The following NRXN3 variants were observed in gnomAD, a reference collection of about 807,000 sequenced individuals.
NRXN3 encodes neurexin 3, also known as neurexin III.
Under a neutral mutation model 137.6 loss-of-function variants are expected in NRXN3, and 32 were observed. The observed-to-expected ratio is 0.23, with a 90% CI of 0.18 to 0.31. NRXN3 has a LOEUF of 0.31. NRXN3 is among the 10% of genes least tolerant of loss of function. The probability of loss-of-function intolerance (pLI) is 1.00; values close to 1 mark genes in which losing one functional copy is unlikely to be tolerated. For synonymous variants in NRXN3, 798 were observed against 784.5 expected, an observed-to-expected ratio of 1.02 and a Z score of -0.29; for missense variants, 1,574 against 2,062.5, an observed-to-expected ratio of 0.76 and a Z score of 4.59.
intron 15 of NRXN3, among the ~76,000 whole-genome samples, chr14:79,127,856 C>T (rs2056792313): frequency 1.3e-5 from 2 of 151,838 alleles, no homozygotes; most frequent in Non-Finnish European, 2.9e-5. Flanking sequence ...TTTCCTTGAG[C>T]AGTGGTTTGT....
At chr14:79,723,499 A>G (rs2098856768) in intron 19 of NRXN3, among the ~76,000 whole-genome samples, 1 of 152,116 alleles carries the variant, frequency 6.6e-6, no homozygotes, top group African/African-American at 2.4e-5. Flanking sequence ...AAGATTCATG[A>G]AATTCGAGTC....
chr14:79,830,084 A>C (rs2141228389), intron 20 of NRXN3, among the ~76,000 whole-genome samples: 1 of 152,328 alleles, frequency 6.6e-6, no homozygotes, highest in East Asian at 1.9e-4. Context: ...GGAAGGTTGG[A>C]GAAGGCCATT....
intron 1 of NRXN3, among the ~76,000 whole-genome samples, chr14:78,228,129 T>G (rs2064916746): frequency 6.6e-6 from 1 of 151,626 alleles, no homozygotes; most frequent in South Asian, 2.1e-4. Flanking sequence ...CTACACAACA[T>G]TATGGGAGAA....
chr14:78,685,089 C>T (rs571306854), intron 6 of NRXN3, among the ~76,000 whole-genome samples: 15 of 152,106 alleles, frequency 9.9e-5, no homozygotes, highest in Non-Finnish European at 2.1e-4. Context: ...TTTAACAAGG[C>T]CTTTCCTCAG....
intron 4 of NRXN3, among the ~76,000 whole-genome samples, chr14:78,479,496 T>C (rs978129707): frequency 8.5e-5 from 13 of 152,192 alleles, no homozygotes; most frequent in Admixed American, 1.3e-4. Flanking sequence ...ATTTAAACTA[T>C]TGAGGTCAAG....
intron 15 of NRXN3, among the ~76,000 whole-genome samples, chr14:79,363,978 A>C (rs2093781810): frequency 6.6e-6 from 1 of 152,180 alleles, no homozygotes; most frequent in African/African-American, 2.4e-5. Flanking sequence ...CATAGAGAAT[A>C]ATGGGTGCTT....
chr14:79,727,108 G>T (rs2098895001), intron 19 of NRXN3, among the ~76,000 whole-genome samples: 1 of 152,156 alleles, frequency 6.6e-6, no homozygotes, highest in East Asian at 1.9e-4. Context: ...TAGCACTAAG[G>T]TTAAGCAAAA....
chr14:79,807,752 A>G (rs2099214048), intron 20 of NRXN3, among the ~76,000 whole-genome samples: 1 of 152,182 alleles, frequency 6.6e-6, no homozygotes, highest in Admixed American at 6.5e-5. Flanking sequence ...GGAGGCTGAT[A>G]TTGATTTCCT....
At chr14:79,169,379 T>G (rs1479708198) in intron 15 of NRXN3, among the ~76,000 whole-genome samples, 1 of 152,128 alleles carries the variant, frequency 6.6e-6, no homozygotes, top group Non-Finnish European at 1.5e-5. Flanking sequence ...ATTAGTCCTT[T>G]TGTAAACTTA....
chr14:79,639,947 GGT>G (rs2098424536), intron 16 of NRXN3, among the ~76,000 whole-genome samples: 1 of 135,876 alleles, frequency 7.4e-6, no homozygotes, highest in Admixed American at 7.7e-5. Flanking sequence ...CCCAAGAAGT[GGT>G]TTCAGTATAT....
chr14:79,675,603 TAG>T (rs1168230519), intron 17 of NRXN3, among the ~76,000 whole-genome samples: 3 of 152,064 alleles, frequency 2.0e-5, no homozygotes, highest in Non-Finnish European at 2.9e-5. Flanking sequence ...GTTAAATCCC[TAG>T]AGAGACAGAG....
chr14:78,565,259 C>G (rs925778476), intron 4 of NRXN3, among the ~76,000 whole-genome samples: 1 of 152,186 alleles, frequency 6.6e-6, no homozygotes, highest in Non-Finnish European at 1.5e-5. Context: ...ACAAACTTAC[C>G]TAAAACAAGG....
At chr14:78,789,742 A>G (rs2098799744) in intron 8 of NRXN3, among the ~76,000 whole-genome samples, 1 of 152,150 alleles carries the variant, frequency 6.6e-6, no homozygotes, top group Non-Finnish European at 1.5e-5. Context: ...CTGTGCTTCT[A>G]CATATGCTGT....
rs942229976 is a variant in NRXN3, at chr14:78,707,912, C to CAT, written c.1222-1294_1222-1293dup. Among the ~76,000 whole-genome samples, 130 of 152,098 alleles carry CAT rather than the reference C, an allele frequency of 8.5e-4. 1 individual carries two copies. The highest frequency in any genetic ancestry group is 1.5e-3 in the South Asian group (7 of 4,812). On this transcript the variant is annotated intron_variant, in intron 6 of 20. Coordinates refer to ENST00000335750, the MANE Select transcript of NRXN3 (RefSeq NM_001330195.2). ...TTCCTTTTTATGGCTGAGTAGTATT[C>CAT]ATATATATATATCACATTTTCTTGA...
chr14:78,355,867 T>C (rs563641380), intron 4 of NRXN3, among the ~76,000 whole-genome samples: 14 of 152,288 alleles, frequency 9.2e-5, no homozygotes, highest in African/African-American at 2.9e-4. Flanking sequence ...ATAACCGTAA[T>C]AGGAAAAGGG....
At chr14:79,824,038 C>T in intron 20 of NRXN3, 3 of 367,274 alleles carry the variant, frequency 8.2e-6, no homozygotes, top group Non-Finnish European at 1.8e-5. Context: ...AAGTGGCTTT[C>T]ACCAGAGTCT....
intron 19 of NRXN3, among the ~76,000 whole-genome samples, chr14:79,731,281 T>TAAAC (rs2098921518): frequency 6.6e-6 from 1 of 152,210 alleles, no homozygotes; most frequent in Admixed American, 6.5e-5. Context: ...CATAAATTGT[T>TAAAC]AAACAGGCAG....
chr14:79,461,990 G>T (rs1294697287), intron 15 of NRXN3, among the ~76,000 whole-genome samples: 1 of 152,132 alleles, frequency 6.6e-6, no homozygotes, highest in Non-Finnish European at 1.5e-5. Context: ...CATGTACTTT[G>T]CACATAATTG....
intron 15 of NRXN3, among the ~76,000 whole-genome samples, chr14:78,993,727 G>A (rs187958929): frequency 5.1e-4 from 77 of 151,032 alleles, no homozygotes; most frequent in African/African-American, 1.8e-3. Flanking sequence ...CATGAACAGT[G>A]TATAGCGAGG....
Sources: allele counts gnomAD v4.1 joint callset (sites outside exome capture counted in the v4.1 genomes callset), GRCh38; gene constraint gnomAD v4.1.1; transcripts MANE v1.5; gene names NCBI Gene and HGNC (gene_info 2026-07-23, HGNC 2026-07-21).